The following HCFC1R1 variants were observed in gnomAD, a reference collection of about 807,000 sequenced individuals.
HCFC1R1 encodes HCF-1 beta-propeller-interacting protein.
HCFC1R1 carries 17 observed loss-of-function variants against 13.3 expected under a neutral mutation model. The ratio of observed to expected loss-of-function variants is 1.28; its 90% confidence interval spans 0.87 to 1.91. The LOEUF (loss-of-function observed/expected upper bound fraction) is 1.91. Among genes scored for constraint, HCFC1R1 ranks in the 40% most tolerant of loss-of-function variants. HCFC1R1 has a pLI of 0.00. For synonymous variants in HCFC1R1, 87 were observed against 71.1 expected, an observed-to-expected ratio of 1.22 and a Z score of -1.12; for missense variants, 218 against 177.9, an observed-to-expected ratio of 1.23 and a Z score of -1.28.
chr16:3,022,811 C>G lies in HCFC1R1; in HGVS notation c.*52G>C. ...TTGTCCCTTTGCGGGAGTCGCTGGT[C>G]TCTTCTGTTGTGGGGAAGAAGGAAG... On this transcript the variant is annotated 3_prime_UTR_variant, in exon 4 of 4. Coordinates refer to ENST00000248089, the MANE Select transcript of HCFC1R1 (RefSeq NM_017885.4). 2 of 1,427,718 alleles carry G rather than the reference C, an allele frequency of 1.4e-6. No individual in the cohort carries two copies. 88.4% of individuals were successfully genotyped at this position (1,427,718 alleles called of 1,614,324 possible). A position where few individuals can be genotyped will look rare whatever the true frequency, so the allele number is the denominator to read the frequency against.
Position 3,022,896 on chromosome 16 carries a change from A to G in HCFC1R1, c.384T>C (p.Pro128=). The G allele has an allele frequency of 1.3e-6, 2 of 1,511,998 alleles. No individual in the cohort carries two copies. Among genetic ancestry groups the G allele is most frequent in the Middle Eastern group, 1.8e-4 (1 of 5,506 alleles). The allele number at this position is 1,511,998 out of a possible 1,614,324, so 93.7% of individuals were successfully genotyped here. ...CCATTATGTCCCCAGCTGGGGTTGCAGGGTAGGGGGGACTGGGGGTGTCCC... is the reference window on the plus strand; with the variant it reads ...CCATTATGTCCCCAGCTGGGGTTGCGGGGTAGGGGGGACTGGGGGTGTCCC... The part of the protein sequence containing the change: ...RLGDTPSPPY[P]ATPAGDIMEL Residue 128 remains proline, a synonymous_variant, in exon 4 of 4, where the codon CCT becomes CCC. Transcript: ENST00000248089.
Position 3,023,362 on chromosome 16 carries a change from C to G in HCFC1R1, c.153-1G>C. ...CAGAAACTGCTTGCGCAGAGGCTCC[C>G]TGGGGAGAGATGGCAGAGAGGCAGG... On this transcript the variant is annotated splice_acceptor_variant, in intron 2 of 3. Transcript: ENST00000248089. LOFTEE classifies it high-confidence loss of function. 6.2e-7 allele frequency: 1 copy of G among 1,611,080 alleles called. No individual in the cohort carries two copies. Among genetic ancestry groups the G allele is most frequent in the Non-Finnish European group, 8.5e-7 (1 of 1,178,068 alleles).
chr16:3,023,357 G>T lies in HCFC1R1; in HGVS notation c.157C>A (p.Pro53Thr), dbSNP rs540123909. Reference protein sequence around the residue: ...TKRRLEEEQEPLRKQFLSEEN... With the variant: ...TKRRLEEEQETLRKQFLSEEN... ...TCAGACAGAAACTGCTTGCGCAGAG[G>T]CTCCCTGGGGAGAGATGGCAGAGAG... The change falls in exon 3 of 4, where the codon CCT becomes ACT. Residue 53 changes from proline (P) to threonine (T), a missense_variant. Physicochemically the swap from Pro to Thr is conservative, Grantham distance 38. Transcript: ENST00000248089. 2 of 1,608,992 alleles carry T rather than the reference G, an allele frequency of 1.2e-6. No individual in the cohort carries two copies. The highest frequency in any genetic ancestry group is 2.7e-5 in the African/African-American group (2 of 74,918).
chr16:3,023,571 C>A, intron 1 of HCFC1R1, 41 bp from the exon 2 acceptor site: 1 of 1,526,956 alleles, frequency 6.5e-7, no homozygotes, highest in East Asian at 2.3e-5. Context: ...ACCCTCTTGG[C>A]CCCTTCCCAA....
Position 3,023,548 on chromosome 16 carries a change from C to T in HCFC1R1, c.96-18G>A, listed in dbSNP as rs767610631. 1.3e-6 allele frequency: 2 copies of T among 1,563,364 alleles called. No individual in the cohort carries two copies. Among genetic ancestry groups the T allele is most frequent in the Non-Finnish European group, 1.7e-6 (2 of 1,154,002 alleles). On this transcript the variant is annotated intron_variant, in intron 1 of 3. Transcript: ENST00000248089. The stretch of plus-strand genomic sequence containing the variant: ...GAGGGGAGCTGGGAAAAAAAGAGAG[C>T]CTGGTGCACCCCACCCTCTTGGCCC...
At chr16:3,023,643 T>G in intron 1 of HCFC1R1, 113 bp from the exon 2 acceptor site, 3 of 1,285,234 alleles carry the variant, frequency 2.3e-6, no homozygotes, top group Non-Finnish European at 3.1e-6. Context: ...CTGTCTCAGC[T>G]GGTGCCGGTC....
chr16:3,023,086 G>A lies in HCFC1R1; in HGVS notation c.282-88C>T, dbSNP rs9931099. On this transcript the variant is annotated intron_variant, in intron 3 of 3. Coordinates refer to ENST00000248089, the MANE Select transcript of HCFC1R1 (RefSeq NM_017885.4). ...CAGGTCCAGGTCCCCAGGGGCTCCT[G>A]GGTTCCCAGCACTTTCCAAAGAGCC... The A allele has an allele frequency of 1.6e-3, 2,438 of 1,537,120 alleles. 33 individuals carry two copies. The African/African-American group carries it at 0.024, about 15-fold the overall frequency.
rs2072638725 is a variant in HCFC1R1, at chr16:3,022,785, C to A, written c.*78G>T. The A allele has an allele frequency of 1.5e-6, 2 of 1,311,672 alleles. No homozygotes were observed. The highest frequency in any genetic ancestry group is 2.0e-6 in the Non-Finnish European group (2 of 999,426). 81.3% of individuals were successfully genotyped at this position (1,311,672 alleles called of 1,614,324 possible). A position where few individuals can be genotyped will look rare whatever the true frequency, so the allele number is the denominator to read the frequency against. On this transcript the variant is annotated 3_prime_UTR_variant, in exon 4 of 4. Transcript: ENST00000248089. ...CCTACTCTGCAGGAGAGGGAGGAAC[C>A]TTGTCCCTTTGCGGGAGTCGCTGGT...
At chr16:3,024,135 G>A (rs1471699139), upstream of HCFC1R1, 3 of 724,766 alleles carry the variant, frequency 4.1e-6, no homozygotes, top group African/African-American at 1.8e-5. Flanking sequence ...TAAGGGGGCT[G>A]CGGTGGACAC....
chr16:3,023,572 C>T, intron 1 of HCFC1R1, 42 bp from the exon 2 acceptor site: 1 of 1,526,016 alleles, frequency 6.6e-7, no homozygotes, highest in Non-Finnish European at 8.8e-7. Context: ...CCCTCTTGGC[C>T]CCTTCCCAAG....
intron 3 of HCFC1R1, 109 bp from the exon 4 acceptor site, chr16:3,023,107 G>C (rs1338597427): frequency 4.0e-6 from 6 of 1,518,832 alleles, no homozygotes; most frequent in Non-Finnish European, 5.3e-6. Context: ...ACTTTCCAAA[G>C]AGCCAAGATG....
At chr16:3,024,223 G>C (rs902406454), upstream of HCFC1R1, 8 of 1,466,284 alleles carry the variant, frequency 5.5e-6, no homozygotes, top group Non-Finnish European at 7.6e-6. Flanking sequence ...AGCCACCTTC[G>C]CGCCGAAGGC....
chr16:3,022,718 G>A lies in HCFC1R1; in HGVS notation c.*145C>T. On this transcript the variant is annotated 3_prime_UTR_variant, in exon 4 of 4. Coordinates refer to ENST00000248089, the MANE Select transcript of HCFC1R1 (RefSeq NM_017885.4). ...CCCTCCCATCCCAGAACTCCGTTGG[G>A]CTCAGTGTCCTCTGTTGAGGGAAGG... The A allele has an allele frequency of 3.0e-6, 2 of 660,688 alleles. No individual in the cohort carries two copies. Among genetic ancestry groups the A allele is most frequent in the Non-Finnish European group, 4.7e-6 (2 of 425,440 alleles). The allele number at this position is 660,688 out of a possible 1,614,324, so 40.9% of individuals were successfully genotyped here. A position where few individuals can be genotyped will look rare whatever the true frequency, so the allele number is the denominator to read the frequency against.
upstream of HCFC1R1, chr16:3,024,087 G>A: frequency 1.3e-6 from 1 of 759,312 alleles, no homozygotes; most frequent in Non-Finnish European, 2.1e-6. Flanking sequence ...GTGGCGGAAG[G>A]CAGGCTTGCT....
intron 1 of HCFC1R1, 101 bp from the exon 2 acceptor site, chr16:3,023,631 T>C (rs1015529212): frequency 7.3e-7 from 1 of 1,362,202 alleles, no homozygotes; most frequent in Non-Finnish European, 9.8e-7. Context: ...CCAAGCCCAT[T>C]CCTGTCTCAG....
upstream of HCFC1R1, chr16:3,024,252 G>C (rs1308060062): frequency 2.5e-6 from 4 of 1,596,030 alleles, no homozygotes; most frequent in Non-Finnish European, 3.4e-6. Context: ...GCCACGGAGA[G>C]GAACCGCTCT....
rs1380270511 is a variant in HCFC1R1 at position 3,022,947 on chromosome 16, A to G, written c.333T>C (p.Pro111=). 3.2e-5 allele frequency: 50 copies of G among 1,580,924 alleles called. No individual in the cohort carries two copies. Among genetic ancestry groups the G allele is most frequent in the Non-Finnish European group, 4.3e-5 (50 of 1,170,434 alleles). ...LLWRYPGSLI[P]EALRLLRLGD... ...CCAGCCTCAGCAGACGGAGGGCCTC[A>G]GGGATGAGGCTGCCAGGATAGCGCC... The change falls in exon 4 of 4, where the codon CCT becomes CCC. Residue 111 remains proline (P), a synonymous_variant. Transcript: ENST00000248089.
In HCFC1R1 at chr16:3,023,275, C is replaced by T; in HGVS notation, c.239G>A (p.Cys80Tyr). Residue 80 changes from cysteine (C) to tyrosine (Y), a missense_variant, in exon 3 of 4, where the codon TGC (cysteine) becomes TAC (tyrosine). Physicochemically the swap from Cys to Tyr is radical, Grantham distance 194. Transcript: ENST00000248089. ...QLSLHNDHPY[C>Y]SPPMTFSPAL... The stretch of plus-strand genomic sequence containing the variant: ...TGGGGAGAAGGTCATGGGGGGGCTG[C>T]AGTAGGGGTGGTCATTGTGCAGGCT... 1.3e-6 allele frequency: 2 copies of T among 1,580,314 alleles called. No individual in the cohort carries two copies. The highest frequency in any genetic ancestry group is 1.7e-6 in the Non-Finnish European group (2 of 1,160,544).
rs777788351 is a variant in HCFC1R1 at position 3,022,961 on chromosome 16, C to T, written c.319G>A (p.Gly107Ser). 1.3e-6 allele frequency: 2 copies of T among 1,589,966 alleles called. No homozygotes were observed. The highest frequency in any genetic ancestry group is 1.9e-5 in the Admixed American group (1 of 53,066). The change falls in exon 4 of 4, where the codon GGC (glycine) becomes AGC (serine). Residue 107 changes from glycine to serine, a missense_variant. Gly to Ser is a moderately conservative substitution (Grantham distance 56). Transcript: ENST00000248089. ...CSELLLWRYP[G>S]SLIPEALRLL... ...CGGAGGGCCTCAGGGATGAGGCTGCCAGGATAGCGCCAGAGAAGCAGCTCA... is the reference window on the plus strand; with the variant it reads ...CGGAGGGCCTCAGGGATGAGGCTGCTAGGATAGCGCCAGAGAAGCAGCTCA...
Sources: allele counts gnomAD v4.1 joint callset, GRCh38; gene constraint gnomAD v4.1.1; transcripts MANE v1.5; gene names NCBI Gene and HGNC (gene_info 2026-07-23, HGNC 2026-07-21).